The following NECAB1 variants were observed in gnomAD, a reference collection of about 807,000 sequenced individuals.
NECAB1 encodes N-terminal EF-hand calcium binding protein 1.
NECAB1 carries 29 observed loss-of-function variants against 57.5 expected under a neutral mutation model. The ratio of observed to expected loss-of-function variants is 0.50; its 90% CI spans 0.38 to 0.69. NECAB1 has a LOEUF of 0.69. NECAB1 is among the 30% of genes least tolerant of loss of function. The pLI is 0.00. For missense variants in NECAB1, 372 were observed against 413.8 expected (o/e 0.90, Z 0.88); for synonymous variants, 142 against 147.7 (o/e 0.96, Z 0.28).
At chr8:90,872,254 G>T in intron 4 of NECAB1, 101 bp downstream of exon 4, 2 of 953,602 alleles carry the variant, frequency 2.1e-6, no homozygotes, top group East Asian at 2.9e-5. Context: ...TTGTATATTA[G>T]GAGTTCACAA....
At chr8:90,934,465 C>T (rs938770367) in intron 9 of NECAB1, 108 bp downstream of exon 9, 49 of 713,702 alleles carry the variant, frequency 6.9e-5, no homozygotes, top group Non-Finnish European at 9.7e-5. Flanking sequence ...ACCAAGTAGT[C>T]GTATTTCATT....
Position 90,920,522 on chromosome 8 carries a change from A to G in NECAB1, c.494+2894A>G, listed in dbSNP as rs192388651. On this transcript the variant is annotated intron_variant, in intron 6 of 12. Transcript: ENST00000417640. ...AGACCAGTGAAAACGCCTGATGGGA[A>G]GACAAGACTTGAAGTGGAACTTTAG... 2.2e-4 allele frequency among the ~76,000 whole-genome samples: 33 copies of G among 152,356 alleles called. No homozygotes were observed. The East Asian group carries it at 5.0e-3, about 23-fold the overall frequency.
intron 9 of NECAB1, among the ~76,000 whole-genome samples, chr8:90,936,533 C>G (rs1366632489): frequency 6.6e-6 from 1 of 152,164 alleles, no homozygotes; most frequent in African/African-American, 2.4e-5. Flanking sequence ...AACCCCAGAC[C>G]TATGCTCATC....
chr8:90,896,881 C>T (rs1809359370), intron 5 of NECAB1, among the ~76,000 whole-genome samples: 1 of 151,944 alleles, frequency 6.6e-6, no homozygotes, highest in South Asian at 2.1e-4. Context: ...GCACTCACCA[C>T]TTCATTCTCT....
chr8:90,918,917 G>A (rs1006574929), intron 6 of NECAB1, among the ~76,000 whole-genome samples: 1 of 152,096 alleles, frequency 6.6e-6, no homozygotes, highest in Non-Finnish European at 1.5e-5. Context: ...TGAAAATGTG[G>A]AAATGATGGG....
At chr8:90,865,241 C>A (rs1454347583) in intron 3 of NECAB1, among the ~76,000 whole-genome samples, 6 of 152,126 alleles carry the variant, frequency 3.9e-5, no homozygotes, top group Non-Finnish European at 4.4e-5. Context: ...TTTTCCAATT[C>A]CGTTTTCTCT....
intron 5 of NECAB1, among the ~76,000 whole-genome samples, chr8:90,903,683 C>A (rs1809565527): frequency 6.6e-6 from 1 of 152,088 alleles, no homozygotes; most frequent in African/African-American, 2.4e-5. Context: ...GAGATTCTTT[C>A]AACAATTCTG....
At chr8:90,903,579 G>C (rs1456586462) in intron 5 of NECAB1, among the ~76,000 whole-genome samples, 3 of 152,106 alleles carry the variant, frequency 2.0e-5, no homozygotes, top group Non-Finnish European at 4.4e-5. Context: ...ACTTTAGGCA[G>C]ATTACTTTAT....
chr8:90,862,055 C>G (rs144485797), intron 3 of NECAB1, among the ~76,000 whole-genome samples: 695 of 152,248 alleles, frequency 4.6e-3, no homozygotes, highest in African/African-American at 7.1e-3. Flanking sequence ...TGGAAGTGAC[C>G]TGTTTTAACA....
intron 12 of NECAB1, among the ~76,000 whole-genome samples, chr8:90,954,684 C>T (rs1810986302): frequency 6.6e-6 from 1 of 151,440 alleles, no homozygotes; most frequent in Non-Finnish European, 1.5e-5. Context: ...TACAGATATA[C>T]TAAAATATTA....
At chr8:90,950,424 A>G (rs148785201) in intron 11 of NECAB1, among the ~76,000 whole-genome samples, 63 of 152,210 alleles carry the variant, frequency 4.1e-4, no homozygotes, top group African/African-American at 1.5e-3. Flanking sequence ...TAAAATAATT[A>G]CTAATAGCAA....
chr8:90,902,878 T>TC (rs1342308209), intron 5 of NECAB1, among the ~76,000 whole-genome samples: 1 of 151,998 alleles, frequency 6.6e-6, no homozygotes, highest in Non-Finnish European at 1.5e-5. Flanking sequence ...GAACATTAAC[T>TC]CGGAAATAAT....
In NECAB1 at chr8:90,797,403, G is replaced by C. The variant is rs550211513; in HGVS notation, c.100-4288G>C. Among the ~76,000 whole-genome samples the C allele has an allele frequency of 2.0e-5, 3 of 152,278 alleles. No individual in the cohort carries two copies. In the South Asian group the frequency reaches 6.2e-4, roughly 32 times the overall value. Reference sequence around the variant, plus strand: ...TTAGATTTATCTATACCTCATTTCCGTGAAGTTGGCAGAATGAAAGGAGGA... The same window carrying C: ...TTAGATTTATCTATACCTCATTTCCCTGAAGTTGGCAGAATGAAAGGAGGA... On this transcript the variant is annotated intron_variant, in intron 1 of 12. Transcript: ENST00000417640.
intron 3 of NECAB1, among the ~76,000 whole-genome samples, chr8:90,840,082 G>C: frequency 6.6e-6 from 1 of 152,138 alleles, no homozygotes; most frequent in Non-Finnish European, 1.5e-5. Context: ...AGAATACCCT[G>C]ATGTTGCAAA....
chr8:90,827,000 A>G (rs1812235834), intron 3 of NECAB1, among the ~76,000 whole-genome samples: 1 of 151,926 alleles, frequency 6.6e-6, no homozygotes, highest in Non-Finnish European at 1.5e-5. Flanking sequence ...CTTCTGAATT[A>G]TATTCATGAA....
At chr8:90,815,671 C>CTTTCA (rs1257850157) in intron 2 of NECAB1, among the ~76,000 whole-genome samples, 1 of 151,958 alleles carries the variant, frequency 6.6e-6, no homozygotes, top group Non-Finnish European at 1.5e-5. Flanking sequence ...AGACTAGCTT[C>CTTTCA]TTTCAGTTAG....
At chr8:90,887,240 T>G (rs1304813132) in intron 5 of NECAB1, among the ~76,000 whole-genome samples, 4 of 152,212 alleles carry the variant, frequency 2.6e-5, no homozygotes, top group African/African-American at 9.6e-5. Context: ...GCCCTGACTA[T>G]CTTCTCCCAT....
At chr8:90,793,961 A>C (rs1166494839) in intron 1 of NECAB1, among the ~76,000 whole-genome samples, 4 of 152,240 alleles carry the variant, frequency 2.6e-5, no homozygotes, top group Non-Finnish European at 5.9e-5. Flanking sequence ...AAATAGCATC[A>C]GGTCCCTGTA....
intron 1 of NECAB1, among the ~76,000 whole-genome samples, chr8:90,796,852 T>TA (rs1811669333): frequency 1.3e-5 from 2 of 152,228 alleles, no homozygotes; most frequent in Admixed American, 6.5e-5. Context: ...AGAACTGTCT[T>TA]AATAACAAAA....
Sources: gnomAD v4.1 joint callset for allele counts (sites outside exome capture counted in the v4.1 genomes callset) on GRCh38, gnomAD v4.1.1 for gene constraint, MANE v1.5 for transcripts, NCBI Gene and HGNC (gene_info 2026-07-23, HGNC 2026-07-21) for gene names.